The following LRRC2 variants were observed in gnomAD, a reference collection of about 807,000 sequenced individuals.
The protein encoded by LRRC2 is leucine rich repeat containing 2, also known as leucine-rich repeat-containing protein 2.
A neutral mutation model predicts 40.2 loss-of-function variants in LRRC2; 27 were observed. That is an observed-to-expected ratio of 0.67 (90% CI 0.49 to 0.93). The LOEUF (loss-of-function observed/expected upper bound fraction) is 0.93. LRRC2 is among the 40% of genes least tolerant of loss of function. LRRC2 has a pLI of 0.00. For synonymous variants in LRRC2, 147 were observed against 158.9 expected (o/e 0.92, Z 0.56); for missense variants, 402 against 439.6 (o/e 0.91, Z 0.76).
Position 46,519,056 on chromosome 3 carries a change from A to G in LRRC2, c.1074T>C (p.Val358=). 6.2e-7 allele frequency: 1 copy of G among 1,609,014 alleles called. No homozygotes were observed. The highest frequency in any genetic ancestry group is 1.1e-5 in the South Asian group (1 of 90,978). ...YIEDLKERES[V]PSYTTKVSFS... is the part of the protein sequence containing the mutation. ...AAGACACTTTGGTGGTATAGCTGGGAACAGATTCTGTAACAGAAAGAAAAA... is the reference window on the plus strand; with the variant it reads ...AAGACACTTTGGTGGTATAGCTGGGGACAGATTCTGTAACAGAAAGAAAAA... Residue 358 remains valine, a synonymous_variant, in exon 9 of 9, where the codon GTT becomes GTC. Coordinates refer to ENST00000395905, the MANE Select transcript of LRRC2 (RefSeq NM_024512.5).
At chr3:46,548,793 G>A (rs1240511445) in intron 2 of LRRC2, among the ~76,000 whole-genome samples, 2 of 152,158 alleles carry the variant, frequency 1.3e-5, no homozygotes, top group South Asian at 2.1e-4. Context: ...GAGGGGTTGG[G>A]GGGATGGTTT....
In LRRC2 at chr3:46,527,582, C is replaced by T. The variant is rs760005057; in HGVS notation, c.774-1G>A. 2 of 1,613,502 alleles carry T rather than the reference C, an allele frequency of 1.2e-6. No homozygotes were observed. Among genetic ancestry groups the T allele is most frequent in the South Asian group, 2.2e-5 (2 of 91,060 alleles). The stretch of plus-strand genomic sequence containing the variant: ...GAGAAAGCTCTGCAGCTCCTCTAGC[C>T]TAAGAAGAGGTAAAAACAATCATAG... On this transcript the variant is annotated splice_acceptor_variant, in intron 6 of 8. Transcript: ENST00000395905. LOFTEE classifies it high-confidence loss of function.
intron 6 of LRRC2, among the ~76,000 whole-genome samples, chr3:46,528,907 TTC>T (rs1486592071): frequency 6.6e-6 from 1 of 151,892 alleles, no homozygotes; most frequent in Non-Finnish European, 1.5e-5. Context: ...AGTCCAGGAA[TTC>T]AAGACCAGCC....
At chr3:46,540,933 C>T (rs927886298) in intron 3 of LRRC2, among the ~76,000 whole-genome samples, 4 of 152,212 alleles carry the variant, frequency 2.6e-5, no homozygotes, top group Non-Finnish European at 5.9e-5. Flanking sequence ...GACACTTCAA[C>T]GTACTGACTG....
Position 46,521,674 on chromosome 3 carries a change from T to C in LRRC2, c.930-16A>G. On this transcript the variant is annotated splice_polypyrimidine_tract_variant and intron_variant, in intron 7 of 8. Transcript: ENST00000395905. ...GCTTACAAATCTATTCGAGAAAGCA[T>C]GGGAAGTATCACATTATCACCTGTG... is the stretch of plus-strand genomic sequence containing the variant. 6.2e-7 allele frequency: 1 copy of C among 1,603,106 alleles called. No individual in the cohort carries two copies. Among genetic ancestry groups the C allele is most frequent in the Non-Finnish European group, 8.5e-7 (1 of 1,176,796 alleles).
chr3:46,518,246 A>T lies in LRRC2; in HGVS notation c.*768T>A, dbSNP rs1703899294. On this transcript the variant is annotated 3_prime_UTR_variant, in exon 9 of 9. Transcript: ENST00000395905. The stretch of plus-strand genomic sequence containing the variant: ...TTAAAACATATGGAAATAGCAGTTT[A>T]TATAAACTCAAGGAAGATTATTCTC... The T allele has an allele frequency of 6.6e-6, 1 of 152,264 alleles. No homozygotes were observed. Among genetic ancestry groups the T allele is most frequent in the Non-Finnish European group, 1.5e-5 (1 of 68,052 alleles). The allele number at this position is 152,264 out of a possible 1,614,324, so 9.4% of individuals were successfully genotyped here.
At chr3:46,543,637 TAATAATAATAATA>T (rs1318318199) in intron 3 of LRRC2, among the ~76,000 whole-genome samples, 18 of 92,682 alleles carry the variant, frequency 1.9e-4, no homozygotes, top group Non-Finnish European at 4.0e-4. Context: ...ATAATAATAA[TAATAATAATAATA>T]AATAATAAAT....
chr3:46,522,781 AC>A lies in LRRC2; in HGVS notation c.930-1124del, dbSNP rs1703989099. ...TGCTAACACACACACACACACACAC[AC>A]ACACACACACACACACACACACACA... is the stretch of plus-strand genomic sequence containing the variant. On this transcript the variant is annotated intron_variant, in intron 7 of 8. Transcript: ENST00000395905. 3.3e-5 allele frequency among the ~76,000 whole-genome samples: 5 copies of A among 150,486 alleles called. No homozygotes were observed. The South Asian group carries it at 8.4e-4, about 25-fold the overall frequency.
At position 46,515,994 on chromosome 3, in the gene LRRC2, C is replaced by G. The variant is rs1328015462; in HGVS notation, c.*3020G>C. 1 of 130,910 alleles carries G rather than the reference C, an allele frequency of 7.6e-6. No homozygotes were observed. Among genetic ancestry groups the G allele is most frequent in the South Asian group, 2.4e-4 (1 of 4,154 alleles). The allele number at this position is 130,910 out of a possible 1,614,324, so 8.1% of individuals were successfully genotyped here. A position where few individuals can be genotyped will look rare whatever the true frequency, so the allele number is the denominator to read the frequency against. ...TTTTTTTTTGAGATGGAGTCTCACT[C>G]TGTTGCCCAGGCTGGAGTGCAATGG... On this transcript the variant is annotated 3_prime_UTR_variant, in exon 9 of 9. Coordinates refer to ENST00000395905, the MANE Select transcript of LRRC2 (RefSeq NM_024512.5).
At chr3:46,548,237 A>G (rs1463985479) in intron 2 of LRRC2, among the ~76,000 whole-genome samples, 1 of 152,234 alleles carries the variant, frequency 6.6e-6, no homozygotes, top group Non-Finnish European at 1.5e-5. Flanking sequence ...GAGAAAAAAG[A>G]AAATTAGATG....
In LRRC2 at chr3:46,529,964, A is replaced by T; in HGVS notation, c.714T>A (p.Asn238Lys). Reference protein sequence around the residue: ...SVPICVLRMSNLQWLDISSNN... With the variant: ...SVPICVLRMSKLQWLDISSNN... ...TGCTGCTGATATCCAACCACTGCAA[A>T]TTCGACATCCGCAGGACACAGATTG... Residue 238 changes from asparagine (N) to lysine (K), a missense_variant, in exon 6 of 9, where the codon AAT (asparagine) becomes AAA (lysine). Asn to Lys is a moderately conservative substitution (Grantham distance 94). Coordinates refer to ENST00000395905, the MANE Select transcript of LRRC2 (RefSeq NM_024512.5). 2 of 1,614,156 alleles carry T rather than the reference A, an allele frequency of 1.2e-6. No individual in the cohort carries two copies. The highest frequency in any genetic ancestry group is 1.7e-6 in the Non-Finnish European group (2 of 1,180,024).
intron 1 of LRRC2, among the ~76,000 whole-genome samples, chr3:46,565,924 C>T (rs1325946061): frequency 6.6e-6 from 1 of 152,204 alleles, no homozygotes; most frequent in Non-Finnish European, 1.5e-5. Context: ...ACCCCTGCCT[C>T]CCCACGCTCT....
In LRRC2 at chr3:46,539,248, C is replaced by T. The variant is rs776546458; in HGVS notation, c.334-47G>A. ...CAATCAGAACTAGCTCCTCCGTGTG[C>T]ACAAAGCCGTGTAAAACCAAGCATT... On this transcript the variant is annotated intron_variant, in intron 3 of 8. Coordinates refer to ENST00000395905, the MANE Select transcript of LRRC2 (RefSeq NM_024512.5). 3 of 1,567,506 alleles carry T rather than the reference C, an allele frequency of 1.9e-6. No homozygotes were observed. The South Asian group carries it at 3.5e-5, about 18-fold the overall frequency.
intron 5 of LRRC2, among the ~76,000 whole-genome samples, chr3:46,531,487 G>A (rs1310764229): frequency 6.6e-6 from 1 of 152,228 alleles, no homozygotes; most frequent in Non-Finnish European, 1.5e-5. Context: ...CAGGGTGGCA[G>A]TGGGAAGGTG....
chr3:46,543,182 T>A (rs899260200), intron 3 of LRRC2, among the ~76,000 whole-genome samples: 5 of 152,146 alleles, frequency 3.3e-5, no homozygotes, highest in South Asian at 4.1e-4. Context: ...CACAACAGAG[T>A]ACGGCTTAGG....
At chr3:46,539,893 C>T (rs552284841) in intron 3 of LRRC2, among the ~76,000 whole-genome samples, 4 of 152,268 alleles carry the variant, frequency 2.6e-5, no homozygotes, top group African/African-American at 9.6e-5. Context: ...AAATCTAATT[C>T]ACCGAGAGTT....
chr3:46,540,515 A>T (rs976492698), intron 3 of LRRC2, among the ~76,000 whole-genome samples: 23 of 145,356 alleles, frequency 1.6e-4, no homozygotes, highest in African/African-American at 5.8e-4. Flanking sequence ...ACAGAGTGAG[A>T]CTCCATCTCA....
At position 46,529,938 on chromosome 3, in the gene LRRC2, T is replaced by C; in HGVS notation, c.740A>G (p.Asn247Ser). The change falls in exon 6 of 9, where the codon AAT (asparagine) becomes AGT (serine). Residue 247 changes from asparagine to serine, a missense_variant. Coordinates refer to ENST00000395905, the MANE Select transcript of LRRC2 (RefSeq NM_024512.5). Reference sequence around the variant, plus strand: ...ATCTTGCGGCAGGTCGGTCAGGTTATTGCTGCTGATATCCAACCACTGCAA... The same window carrying C: ...ATCTTGCGGCAGGTCGGTCAGGTTACTGCTGCTGATATCCAACCACTGCAA... ...SNLQWLDISS[N>S]NLTDLPQDID... is the part of the protein sequence containing the mutation. The C allele has an allele frequency of 6.2e-7, 1 of 1,614,152 alleles. No individual in the cohort carries two copies. Among genetic ancestry groups the C allele is most frequent in the Non-Finnish European group, 8.5e-7 (1 of 1,180,022 alleles).
At chr3:46,541,272 G>C (rs1269570153) in intron 3 of LRRC2, among the ~76,000 whole-genome samples, 2 of 148,744 alleles carry the variant, frequency 1.3e-5, no homozygotes, top group South Asian at 4.2e-4. Context: ...AGCGGACCTT[G>C]AAGTGAGCCG....
Sources: gnomAD v4.1 joint callset for allele counts (sites outside exome capture counted in the v4.1 genomes callset) on GRCh38, gnomAD v4.1.1 for gene constraint, MANE v1.5 for transcripts, NCBI Gene and HGNC (gene_info 2026-07-23, HGNC 2026-07-21) for gene names.